The following USP4 variants were observed in gnomAD, a reference collection of about 807,000 sequenced individuals.
USP4 encodes the protein ubiquitin specific peptidase 4.
USP4 carries 72 observed loss-of-function variants against 118.2 expected under a neutral mutation model. That is an observed-to-expected ratio of 0.61 (90% confidence interval 0.50 to 0.74). The LOEUF is 0.74. Among genes scored for constraint, USP4 ranks in the 30% least tolerant of loss-of-function variants. USP4 has a pLI of 0.00. For synonymous variants in USP4, 415 were observed against 440.4 expected (o/e 0.94, Z 0.72); for missense variants, 1,037 against 1,185.7 (o/e 0.87, Z 1.84).
chr3:49,339,157 C>T (rs377444002), intron 1 of USP4, among the ~76,000 whole-genome samples: 11 of 152,088 alleles, frequency 7.2e-5, no homozygotes, highest in Admixed American at 5.9e-4. Flanking sequence ...CAAAACAAAA[C>T]AAAACAAACA....
intron 7 of USP4, 103 bp from the exon 8 acceptor site, chr3:49,310,840 G>GT: frequency 1.2e-6 from 1 of 862,022 alleles, no homozygotes; most frequent in Non-Finnish European, 1.9e-6. Context: ...TTGTGTGGTA[G>GT]TAAGCCCATG....
At chr3:49,324,590 A>T in intron 6 of USP4, 112 bp downstream of exon 6, 1 of 988,208 alleles carries the variant, frequency 1.0e-6, no homozygotes, top group Non-Finnish European at 1.6e-6. Flanking sequence ...TATACAAAAT[A>T]GGCATTGTTC....
chr3:49,335,613 A>G lies in USP4; in HGVS notation c.102-17T>C, dbSNP rs1353293376. The G allele has an allele frequency of 6.2e-7, 1 of 1,612,924 alleles. No homozygotes were observed. Among genetic ancestry groups the G allele is most frequent in the Non-Finnish European group, 8.5e-7 (1 of 1,179,628 alleles). On this transcript the variant is annotated splice_polypyrimidine_tract_variant and intron_variant, in intron 1 of 21. Coordinates refer to ENST00000265560, the MANE Select transcript of USP4 (RefSeq NM_003363.4). Reference sequence around the variant, plus strand: ...ATAAGATACCTAGAGAGAGACAGAAATTTACTGTAGCAGAAAAGCTGAGAT... The same window carrying G: ...ATAAGATACCTAGAGAGAGACAGAAGTTTACTGTAGCAGAAAAGCTGAGAT...
intron 6 of USP4, among the ~76,000 whole-genome samples, chr3:49,322,873 G>GA (rs1056724616): frequency 4.0e-5 from 6 of 149,238 alleles, no homozygotes; most frequent in South Asian, 4.3e-4. Flanking sequence ...AAAAAAAAAA[G>GA]AAAAAAAAAT....
rs991797934 is a variant in USP4 at position 49,280,621 on chromosome 3, G to A, written c.2644+123C>T. ...AGAGGGGAATCAGTATGAAGAAAGC[G>A]TGCAGCATGAAGCCTGTGAAACTGC... On this transcript the variant is annotated intron_variant, in intron 20 of 21. Coordinates refer to ENST00000265560, the MANE Select transcript of USP4 (RefSeq NM_003363.4). The A allele has an allele frequency of 8.3e-5, 53 of 636,324 alleles. 1 individual carries two copies. The highest frequency in any genetic ancestry group is 6.2e-4 in the South Asian group (28 of 44,910). The allele number at this position is 636,324 out of a possible 1,614,324, so 39.4% of individuals were successfully genotyped here.
chr3:49,307,606 A>T (rs1393644470), intron 8 of USP4, among the ~76,000 whole-genome samples: 1 of 152,024 alleles, frequency 6.6e-6, no homozygotes. Flanking sequence ...CAATTTTATG[A>T]GGACAAAAAC....
chr3:49,277,413 C>G lies in USP4; in HGVS notation c.*880G>C, dbSNP rs2046975247. ...AGTCTTGGCAGGGATGAGGAAAGAA[C>G]CCGTTCTAGAAAGCATCTGGGTAAC... On this transcript the variant is annotated 3_prime_UTR_variant, in exon 22 of 22. Transcript: ENST00000265560. The G allele has an allele frequency of 2.9e-6, 1 of 343,072 alleles. No homozygotes were observed. The highest frequency in any genetic ancestry group is 2.2e-5 in the African/African-American group (1 of 45,298). 21.3% of individuals were successfully genotyped at this position (343,072 alleles called of 1,614,324 possible). A position where few individuals can be genotyped will look rare whatever the true frequency, so the allele number is the denominator to read the frequency against.
chr3:49,331,275 G>T (rs541278707), intron 2 of USP4, among the ~76,000 whole-genome samples: 147 of 151,678 alleles, frequency 9.7e-4, no homozygotes, highest in Non-Finnish European at 1.6e-3. Context: ...AGCCAAGATC[G>T]CACCATTGCA....
At chr3:49,295,288 CAAAAAAAAAA>C (rs34296887) in intron 13 of USP4, among the ~76,000 whole-genome samples, 4 of 11,928 alleles carry the variant, frequency 3.4e-4, no homozygotes, top group African/African-American at 8.1e-4. Flanking sequence ...GACTCCATCT[CAAAAAAAAAA>C]AAAAAAAAAA....
Position 49,297,916 on chromosome 3 carries a change from T to C in USP4, c.1645A>G (p.Met549Val), listed in dbSNP as rs2047225996. ...ATGATGTGGTTTAAACCTTCATCCA[T>C]TTGGAAAATTTTGTGGAATCGGTGA... ...YNHRFHKIFQ[M>V]DEGLNHIMPR... The change falls in exon 13 of 22, where the codon ATG (methionine) becomes GTG (valine). Residue 549 changes from methionine (M) to valine (V), a missense_variant. Transcript: ENST00000265560. 6.2e-7 allele frequency: 1 copy of C among 1,614,124 alleles called. No individual in the cohort carries two copies. The highest frequency in any genetic ancestry group is 8.5e-7 in the Non-Finnish European group (1 of 1,180,006).
chr3:49,313,675 T>C (rs2047409093), intron 6 of USP4, among the ~76,000 whole-genome samples: 1 of 152,222 alleles, frequency 6.6e-6, no homozygotes, highest in African/African-American at 2.4e-5. Flanking sequence ...TTTCTTCAAA[T>C]TTGCCAGTGT....
rs1360799855 is a variant in USP4 at position 49,279,041 on chromosome 3, AC to A, written c.2645-140del. 1.7e-5 allele frequency: 8 copies of A among 475,362 alleles called. No individual in the cohort carries two copies. The Admixed American group carries it at 3.3e-4, about 20-fold the overall frequency. 29.4% of individuals were successfully genotyped at this position (475,362 alleles called of 1,614,324 possible). Reference sequence around the variant, plus strand: ...AAAAAAGTTTACAGTGTGTGTCTTAACAACCAAAAAACAACTCACCTTCTTT... The same window carrying A: ...AAAAAAGTTTACAGTGTGTGTCTTAAAACCAAAAAACAACTCACCTTCTTT... On this transcript the variant is annotated intron_variant, in intron 20 of 21. Transcript: ENST00000265560.
intron 1 of USP4, among the ~76,000 whole-genome samples, chr3:49,336,233 A>T (rs2107807165): frequency 8.3e-6 from 1 of 120,596 alleles, no homozygotes; most frequent in East Asian, 2.8e-4. Flanking sequence ...GTGCAGTGGT[A>T]TGATCTTGGC....
chr3:49,339,018 G>T (rs540923624), intron 1 of USP4, among the ~76,000 whole-genome samples: 2 of 151,062 alleles, frequency 1.3e-5, no homozygotes, highest in Non-Finnish European at 3.0e-5. Flanking sequence ...GTGGTGGCGT[G>T]AGCCTGTAAT....
In USP4 at chr3:49,310,498, C is replaced by T. The variant is rs1260198315; in HGVS notation, c.954+122G>A. 3.7e-6 allele frequency: 3 copies of T among 818,888 alleles called. No individual in the cohort carries two copies. The East Asian group carries it at 7.3e-5, about 20-fold the overall frequency. The allele number at this position is 818,888 out of a possible 1,614,324, so 50.7% of individuals were successfully genotyped here. A position where few individuals can be genotyped will look rare whatever the true frequency, so the allele number is the denominator to read the frequency against. ...GTGGGAGATGCCCTAGCAGAGACTA[C>T]TGAAGCACCAACAAGGGGTAGGCAG... is the stretch of plus-strand genomic sequence containing the variant. On this transcript the variant is annotated intron_variant, in intron 8 of 21. Transcript: ENST00000265560.
At chr3:49,307,486 C>T (rs1323315576) in intron 8 of USP4, among the ~76,000 whole-genome samples, 1 of 151,552 alleles carries the variant, frequency 6.6e-6, no homozygotes, top group African/African-American at 2.4e-5. Flanking sequence ...TAGGGTCTTG[C>T]TTATGTTAGC....
At chr3:49,338,577 G>A (rs2047696380) in intron 1 of USP4, among the ~76,000 whole-genome samples, 1 of 150,106 alleles carries the variant, frequency 6.7e-6, no homozygotes, top group South Asian at 2.1e-4. Context: ...CAGGAGAATC[G>A]CTTGAACATG....
In USP4 at chr3:49,305,832, G is replaced by C; in HGVS notation, c.1011C>G (p.Ala337=). 6.2e-7 allele frequency: 1 copy of C among 1,613,958 alleles called. No individual in the cohort carries two copies. The highest frequency in any genetic ancestry group is 1.1e-5 in the South Asian group (1 of 91,048). ...CCAGAGGGTTGTCTCTGTTGATTTC[G>C]GCTTCATACTCATCTTTGAGAAAGT... ...TDYFLKDEYE[A]EINRDNPLGM... is the part of the protein sequence containing the mutation. Residue 337 remains alanine, a synonymous_variant, in exon 9 of 22, where the codon GCC becomes GCG. Coordinates refer to ENST00000265560, the MANE Select transcript of USP4 (RefSeq NM_003363.4).
rs773669515 is a variant in USP4 at position 49,309,943 on chromosome 3, C to CTTTTTTTTTTTTTTTTTTTTTTTTTTT, written c.954+676_954+677insAAAAAAAAAAAAAAAAAAAAAAAAAAA. ...TGCTGCCCCCGGACTTTTTTTTAAT[C>CTTTTTTTTTTTTTTTTTTTTTTTTTTT]TTTTTTTTTTTTTTTTTTTTTTTGA... On this transcript the variant is annotated intron_variant, in intron 8 of 21. Transcript: ENST00000265560. 9.9e-5 allele frequency among the ~76,000 whole-genome samples: 4 copies of CTTTTTTTTTTTTTTTTTTTTTTTTTTT among 40,236 alleles called. 1 individual carries two copies. The highest frequency in any genetic ancestry group is 1.6e-4 in the Non-Finnish European group (4 of 24,752). The allele number at this position is 40,236 out of a possible 152,430, so 26.4% of individuals were successfully genotyped here. A position where few individuals can be genotyped will look rare whatever the true frequency, so the allele number is the denominator to read the frequency against.
Sources: allele counts gnomAD v4.1 joint callset (sites outside exome capture counted in the v4.1 genomes callset), GRCh38; gene constraint gnomAD v4.1.1; transcripts MANE v1.5; gene names NCBI Gene and HGNC (gene_info 2026-07-23, HGNC 2026-07-21).